Variants in JAM2 observed in about 807,000 individuals in gnomAD.
JAM2 encodes the protein junctional adhesion molecule 2.
JAM2 carries 17 observed loss-of-function variants against 42.0 expected under a neutral mutation model. That is an observed-to-expected ratio of 0.40 (90% CI 0.28 to 0.61). JAM2 has a LOEUF of 0.61. Ranked by LOEUF, JAM2 falls within the 20% of genes least tolerant of loss-of-function variation. The pLI is 0.37. For missense variants in JAM2, 319 were observed against 358.3 expected, an observed-to-expected ratio of 0.89 and a Z score of 0.89; for synonymous variants, 118 against 128.6, an observed-to-expected ratio of 0.92 and a Z score of 0.56.
chr21:25,650,336 A>T (rs186613825), intron 1 of JAM2, among the ~76,000 whole-genome samples: 2 of 152,322 alleles, frequency 1.3e-5, no homozygotes, highest in Admixed American at 1.3e-4. Context: ...ATTTTGTGGG[A>T]TCTTGACACT....
chr21:25,656,592 A>C (rs1179114430), intron 1 of JAM2, among the ~76,000 whole-genome samples: 2 of 152,228 alleles, frequency 1.3e-5, no homozygotes, highest in Non-Finnish European at 2.9e-5. Flanking sequence ...TGTCAGCAGC[A>C]TATGCACACT....
chr21:25,680,035 G>T (rs555004833), intron 1 of JAM2, among the ~76,000 whole-genome samples: 1 of 152,144 alleles, frequency 6.6e-6, no homozygotes, highest in Non-Finnish European at 1.5e-5. Context: ...ACAGAGAATT[G>T]TAAGAGTCAA....
chr21:25,642,565 A>G (rs746074102), intron 1 of JAM2, among the ~76,000 whole-genome samples: 27 of 151,908 alleles, frequency 1.8e-4, no homozygotes, highest in Non-Finnish European at 1.3e-4. Flanking sequence ...CATTCTTTAT[A>G]TCTTTCTTAG....
chr21:25,709,023 C>T (rs7275388), intron 7 of JAM2, among the ~76,000 whole-genome samples: 2,778 of 152,194 alleles, frequency 0.018, 91 homozygotes, highest in African/African-American at 0.063. Context: ...TGAACATTTA[C>T]AATCTATTTG....
intron 1 of JAM2, among the ~76,000 whole-genome samples, chr21:25,674,161 A>AGGTAGG (rs1468918979): frequency 1.3e-5 from 2 of 152,206 alleles, no homozygotes; most frequent in Non-Finnish European, 2.9e-5. Context: ...TGGGAGGCCT[A>AGGTAGG]GGTAGGTGGA....
chr21:25,696,072 C>G (rs1245257186), intron 4 of JAM2, among the ~76,000 whole-genome samples: 6 of 152,196 alleles, frequency 3.9e-5, no homozygotes, highest in African/African-American at 1.4e-4. Context: ...GCCGAGATCA[C>G]GCCACTGCAC....
intron 1 of JAM2, among the ~76,000 whole-genome samples, chr21:25,668,433 G>A (rs944472003): frequency 1.3e-5 from 2 of 152,182 alleles, no homozygotes; most frequent in Non-Finnish European, 2.9e-5. Context: ...AGCTATGGGA[G>A]GAGTGAGAAG....
intron 2 of JAM2, among the ~76,000 whole-genome samples, chr21:25,685,487 T>C (rs1051224718): frequency 1.6e-5 from 2 of 124,266 alleles, no homozygotes; most frequent in African/African-American, 6.5e-5. Context: ...ACCATGCCAG[T>C]GCACTCCAGC....
At chr21:25,671,933 TAA>T (rs1255282855) in intron 1 of JAM2, among the ~76,000 whole-genome samples, 2 of 152,210 alleles carry the variant, frequency 1.3e-5, no homozygotes, top group Non-Finnish European at 1.5e-5. Context: ...CCAAACACAT[TAA>T]ACTGTTAGTG....
At chr21:25,670,246 G>A (rs1450458044) in intron 1 of JAM2, among the ~76,000 whole-genome samples, 2 of 152,092 alleles carry the variant, frequency 1.3e-5, no homozygotes, top group African/African-American at 2.4e-5. Flanking sequence ...CACTTTGGGA[G>A]GCCGAGGTAG....
intron 3 of JAM2, 119 bp from the exon 4 acceptor site, chr21:25,693,637 C>G: frequency 1.2e-6 from 1 of 851,160 alleles, no homozygotes; most frequent in South Asian, 1.8e-5. Flanking sequence ...AGGCTTTAAA[C>G]TTGAGTTTAT....
At chr21:25,694,009 T>A in intron 4 of JAM2, 101 bp downstream of exon 4, 2 of 1,152,668 alleles carry the variant, frequency 1.7e-6, no homozygotes, top group Non-Finnish European at 2.5e-6. Flanking sequence ...CAGCATCAAC[T>A]GGGAGCCTCA....
chr21:25,692,172 C>T (rs1568910369), intron 3 of JAM2: 1 of 153,684 alleles, frequency 6.5e-6, no homozygotes, highest in Non-Finnish European at 1.5e-5. Flanking sequence ...TCAAACACGT[C>T]AGTGAAGGCC....
intron 4 of JAM2, among the ~76,000 whole-genome samples, chr21:25,697,007 A>C (rs1202419968): frequency 7.5e-6 from 1 of 133,342 alleles, no homozygotes; most frequent in Non-Finnish European, 1.6e-5. Flanking sequence ...GCACACACCT[A>C]TTTTTTTTTT....
intron 5 of JAM2, among the ~76,000 whole-genome samples, 154 bp downstream of exon 5, chr21:25,699,033 C>T (rs2034102881): frequency 6.6e-6 from 1 of 152,174 alleles, no homozygotes; most frequent in South Asian, 2.1e-4. Context: ...ACTTGTACCA[C>T]GAAGTGATGG....
At chr21:25,707,348 G>A (rs1180924758) in intron 7 of JAM2, among the ~76,000 whole-genome samples, 1 of 152,010 alleles carries the variant, frequency 6.6e-6, no homozygotes, top group Non-Finnish European at 1.5e-5. Flanking sequence ...CAGGAGTGGT[G>A]ACATGCACCT....
chr21:25,648,028 T>G (rs1003184498), intron 1 of JAM2, among the ~76,000 whole-genome samples: 2 of 152,202 alleles, frequency 1.3e-5, no homozygotes, highest in Non-Finnish European at 2.9e-5. Context: ...CTAGCCAACG[T>G]GGTGAAACCC....
At chr21:25,673,619 G>A (rs1035075766) in intron 1 of JAM2, among the ~76,000 whole-genome samples, 10 of 152,092 alleles carry the variant, frequency 6.6e-5, no homozygotes, top group South Asian at 6.2e-4. Flanking sequence ...TGTGTCTGGC[G>A]GTCTTATGTC....
chr21:25,694,801 C>A (rs1295616284), intron 4 of JAM2, among the ~76,000 whole-genome samples: 1 of 150,716 alleles, frequency 6.6e-6, no homozygotes, highest in Non-Finnish European at 1.5e-5. Flanking sequence ...GATTGTGCCA[C>A]TGCATTTTAA....
Sources: gnomAD v4.1 joint callset for allele counts (sites outside exome capture counted in the v4.1 genomes callset) on GRCh38, gnomAD v4.1.1 for gene constraint, MANE v1.5 for transcripts, NCBI Gene and HGNC (gene_info 2026-07-23, HGNC 2026-07-21) for gene names.